Variants in AFF3 observed in about 807,000 individuals in gnomAD.
AFF3 encodes AF4/FMR2 family member 3.
A neutral mutation model predicts 129.7 loss-of-function variants in AFF3; 32 were observed. That is an observed-to-expected ratio of 0.25 (90% CI 0.19 to 0.33). AFF3 has a LOEUF of 0.33. Among genes scored for constraint, AFF3 ranks in the 10% least tolerant of loss-of-function variants. The probability of loss-of-function intolerance (pLI) is 1.00; values close to 1 mark genes in which losing one functional copy is unlikely to be tolerated. For synonymous variants in AFF3, 644 were observed against 635.4 expected (o/e 1.01, Z -0.20); for missense variants, 1,373 against 1,592.0 (o/e 0.86, Z 2.34).
rs116642453 is a variant in AFF3, at chr2:99,841,127, C to G, written c.874-3603G>C. 3.9e-3 allele frequency among the ~76,000 whole-genome samples: 598 copies of G among 152,314 alleles called. 5 individuals carry two copies. Among genetic ancestry groups the G allele is most frequent in the African/African-American group, 0.013 (553 of 41,560 alleles). On this transcript the variant is annotated intron_variant, in intron 7 of 24. Transcript: ENST00000672756. ...TTAAAATTAAACTTCGGGTTTAATT[C>G]CTTAAAGCTAAGCTTCCCTGAATAT...
intron 8 of AFF3, among the ~76,000 whole-genome samples, chr2:99,836,610 A>G (rs1423337494): frequency 6.6e-6 from 1 of 152,136 alleles, no homozygotes; most frequent in Non-Finnish European, 1.5e-5. Context: ...GTTAATGTAA[A>G]ATTTTAACCC....
chr2:100,062,943 A>T (rs1335982343), intron 4 of AFF3, among the ~76,000 whole-genome samples: 2 of 152,182 alleles, frequency 1.3e-5, no homozygotes, highest in East Asian at 3.9e-4. Flanking sequence ...ATAAGTAACA[A>T]GTGACTATCA....
chr2:100,017,462 C>A (rs1287300339), intron 4 of AFF3, among the ~76,000 whole-genome samples: 1 of 152,184 alleles, frequency 6.6e-6, no homozygotes, highest in African/African-American at 2.4e-5. Context: ...CTATGCTGAC[C>A]TGTTCTACCA....
At chr2:99,610,662 T>C (rs567472488) in intron 13 of AFF3, among the ~76,000 whole-genome samples, 1 of 152,292 alleles carries the variant, frequency 6.6e-6, no homozygotes, top group South Asian at 2.1e-4. Context: ...TGTATAGGTT[T>C]TTATGTGGAT....
intron 2 of AFF3, among the ~76,000 whole-genome samples, chr2:100,110,918 G>A (rs1320824583): frequency 3.3e-5 from 5 of 152,298 alleles, no homozygotes; most frequent in East Asian, 1.9e-4. Flanking sequence ...TAAGACACCC[G>A]TTTATGTCAG....
At chr2:99,679,684 T>C (rs1271868237) in intron 11 of AFF3, among the ~76,000 whole-genome samples, 1 of 152,032 alleles carries the variant, frequency 6.6e-6, no homozygotes, top group South Asian at 2.1e-4. Context: ...GGTGGTGAAA[T>C]AAATTTTGAA....
intron 4 of AFF3, among the ~76,000 whole-genome samples, chr2:100,059,447 TAA>T (rs1158832189): frequency 6.6e-6 from 1 of 151,846 alleles, no homozygotes; most frequent in African/African-American, 2.4e-5. Flanking sequence ...GACACATAAT[TAA>T]AAAGTCTTAG....
chr2:99,634,988 C>CACACACACACACACAT (rs1683491473), intron 13 of AFF3, among the ~76,000 whole-genome samples: 1 of 151,496 alleles, frequency 6.6e-6, no homozygotes, highest in Non-Finnish European at 1.5e-5. Context: ...CACACACACA[C>CACACACACACACACAT]ACACACACAC....
chr2:99,572,656 T>C (rs1265987012), intron 18 of AFF3: 2 of 455,948 alleles, frequency 4.4e-6, no homozygotes, highest in African/African-American at 2.0e-5. Context: ...GAATTCATCA[T>C]CTGCTATCCG....
intron 11 of AFF3, chr2:99,707,527 A>C: frequency 1.0e-6 from 1 of 985,154 alleles, no homozygotes; most frequent in Non-Finnish European, 1.2e-6. Flanking sequence ...GAAGTTAGGT[A>C]GCCTTCTTTG....
chr2:99,831,724 G>A (rs1449940568), intron 8 of AFF3, among the ~76,000 whole-genome samples: 1 of 152,154 alleles, frequency 6.6e-6, no homozygotes, highest in Non-Finnish European at 1.5e-5. Flanking sequence ...AAACTATAAA[G>A]ATGTTATGAA....
intron 19 of AFF3, among the ~76,000 whole-genome samples, chr2:99,567,967 G>A (rs1676129820): frequency 6.6e-6 from 1 of 152,136 alleles, no homozygotes. Flanking sequence ...TGTACCTTCC[G>A]CTGCCCTCCT....
At chr2:99,817,906 ACTT>A (rs1270888009) in intron 8 of AFF3, among the ~76,000 whole-genome samples, 8 of 152,192 alleles carry the variant, frequency 5.3e-5, no homozygotes, top group African/African-American at 1.4e-4. Context: ...CTCAGAAGTG[ACTT>A]CTTATCAGAA....
At chr2:99,859,349 G>A (rs949846177) in intron 7 of AFF3, among the ~76,000 whole-genome samples, 4 of 152,148 alleles carry the variant, frequency 2.6e-5, no homozygotes, top group Non-Finnish European at 4.4e-5. Flanking sequence ...AACCACCGGC[G>A]GCACAAGCAT....
chr2:99,756,569 C>G (rs947820619), intron 8 of AFF3, among the ~76,000 whole-genome samples: 2 of 152,212 alleles, frequency 1.3e-5, no homozygotes, highest in Non-Finnish European at 2.9e-5. Context: ...CCTTGGGGAT[C>G]CAGTTCCATC....
intron 11 of AFF3, among the ~76,000 whole-genome samples, chr2:99,683,148 G>A (rs936392649): frequency 2.6e-5 from 4 of 152,126 alleles, no homozygotes; most frequent in Admixed American, 2.6e-4. Flanking sequence ...GTAATTAAGA[G>A]CATGAGCTCT....
In AFF3 at chr2:100,063,622, A is replaced by C. The variant is rs143451837; in HGVS notation, c.53+40780T>G. ...ACAAGGAAATGAAAAATATAAAGAA[A>C]TGTTAACCTAAATGGAGAATACAAT... On this transcript the variant is annotated intron_variant, in intron 4 of 24. Transcript: ENST00000672756. 2.2e-3 allele frequency among the ~76,000 whole-genome samples: 342 copies of C among 152,256 alleles called. 1 individual carries two copies. The highest frequency in any genetic ancestry group is 7.7e-3 in the African/African-American group (320 of 41,560).
Position 99,593,630 on chromosome 2 carries a change from C to G in AFF3, c.2031G>C (p.Ser677=), listed in dbSNP as rs1558617277. ...CCTGCTCGGACTCCAGGTCGGAGTCCGAGGAGGAGGATGAAGATGACGACT... is the reference window on the plus strand; with the variant it reads ...CCTGCTCGGACTCCAGGTCGGAGTCGGAGGAGGAGGATGAAGATGACGACT... ...ETESSSSSSS[S]DSDLESEQEE... The change falls in exon 15 of 25, where the codon TCG becomes TCC. Residue 677 remains serine, a synonymous_variant. Transcript: ENST00000672756. 8 of 1,609,830 alleles carry G rather than the reference C, an allele frequency of 5.0e-6. No homozygotes were observed. Among genetic ancestry groups the G allele is most frequent in the South Asian group, 1.1e-5 (1 of 90,970 alleles).
At chr2:99,600,375 C>T (rs570627095) in intron 14 of AFF3, among the ~76,000 whole-genome samples, 2 of 152,222 alleles carry the variant, frequency 1.3e-5, no homozygotes, top group East Asian at 3.9e-4. Context: ...GGGGAAAAAC[C>T]TGAAGGAACT....
Sources: gnomAD v4.1 joint callset for allele counts (sites outside exome capture counted in the v4.1 genomes callset) on GRCh38, gnomAD v4.1.1 for gene constraint, MANE v1.5 for transcripts, NCBI Gene and HGNC (gene_info 2026-07-23, HGNC 2026-07-21) for gene names.